Variants in RARS2 observed in about 807,000 individuals in gnomAD.
RARS2 encodes probable arginine--tRNA ligase, mitochondrial.
In RARS2, 67 loss-of-function variants were observed where a neutral mutation model predicts 88.5. The ratio of observed to expected loss-of-function variants is 0.76; its 90% CI spans 0.62 to 0.93. RARS2 has a LOEUF of 0.93. Ranked by LOEUF, RARS2 falls within the 40% of genes least tolerant of loss-of-function variation. The pLI is 0.00. For missense variants in RARS2, 664 were observed against 684.2 expected (o/e 0.97, Z 0.33); for synonymous variants, 239 against 230.3 (o/e 1.04, Z -0.34).
At chr6:87,547,389 A>C (rs750877812) in intron 6 of RARS2, among the ~76,000 whole-genome samples, 15 of 152,218 alleles carry the variant, frequency 9.9e-5, no homozygotes, top group Non-Finnish European at 1.3e-4. Flanking sequence ...CCAATTCTGA[A>C]AAGTATTGAA....
At chr6:87,534,372 C>G (rs907064757) in intron 8 of RARS2, among the ~76,000 whole-genome samples, 5 of 152,148 alleles carry the variant, frequency 3.3e-5, no homozygotes, top group Admixed American at 1.3e-4. Context: ...CCTACTTTTA[C>G]TCTATGTATA....
chr6:87,544,389 T>C (rs530055126), intron 7 of RARS2, among the ~76,000 whole-genome samples: 34 of 152,316 alleles, frequency 2.2e-4, no homozygotes, highest in African/African-American at 8.2e-4. Context: ...GCACTGTAGA[T>C]ATAAAAGTTA....
Position 87,576,277 on chromosome 6 carries a change from T to TC in RARS2, c.37-6688_37-6687insG, listed in dbSNP as rs1359055235. Among the ~76,000 whole-genome samples, 28 of 93,486 alleles carry TC rather than the reference T, an allele frequency of 3.0e-4. 8 individuals carry two copies. The highest frequency in any genetic ancestry group is 9.5e-4 in the African/African-American group (22 of 23,134). The allele number at this position is 93,486 out of a possible 152,430, so 61.3% of individuals were successfully genotyped here. ...CAGGTATAATAAACACAAATTTCTT[T>TC]TTTTTTTTTTTTTTTTTGAGACGGA... On this transcript the variant is annotated intron_variant, in intron 1 of 19. Coordinates refer to ENST00000369536, the MANE Select transcript of RARS2 (RefSeq NM_020320.5).
chr6:87,573,699 A>T (rs1230135849), intron 1 of RARS2, among the ~76,000 whole-genome samples: 1 of 152,160 alleles, frequency 6.6e-6, no homozygotes, highest in Non-Finnish European at 1.5e-5. Flanking sequence ...AAAAAAACAC[A>T]CAAAAAAAAA....
At chr6:87,537,394 G>A (rs961303023) in intron 8 of RARS2, among the ~76,000 whole-genome samples, 5 of 152,216 alleles carry the variant, frequency 3.3e-5, no homozygotes, top group South Asian at 2.1e-4. Context: ...TACCTGTGCC[G>A]GAATCCTGGG....
intron 8 of RARS2, among the ~76,000 whole-genome samples, chr6:87,540,226 G>C (rs1002054258): frequency 6.6e-6 from 1 of 151,724 alleles, no homozygotes; most frequent in South Asian, 2.1e-4. Context: ...GAGGTGGGCT[G>C]ATCATGAGAT....
At chr6:87,564,796 G>C (rs1315527643) in intron 2 of RARS2, 1 of 179,514 alleles carries the variant, frequency 5.6e-6, no homozygotes, top group African/African-American at 2.4e-5. Flanking sequence ...CTTCTGTCTG[G>C]GCACAGATCC....
In RARS2 at chr6:87,543,628, G is replaced by A. The variant is rs547428084; in HGVS notation, c.536-1634C>T. Among the ~76,000 whole-genome samples the A allele has an allele frequency of 4.6e-5, 7 of 151,552 alleles. No homozygotes were observed. The South Asian group carries it at 1.2e-3, about 27-fold the overall frequency. ...TGCACGCCAGCCTGGGTGACAGAGC[G>A]AGACTCCATCTCAGAAAGAAAAAAA... On this transcript the variant is annotated intron_variant, in intron 7 of 19. Transcript: ENST00000369536.
In RARS2 at chr6:87,530,864, C is replaced by T. The variant is rs768185386; in HGVS notation, c.691G>A (p.Glu231Lys). 1.2e-6 allele frequency: 2 copies of T among 1,614,070 alleles called. No individual in the cohort carries two copies. Among genetic ancestry groups the T allele is most frequent in the Non-Finnish European group, 1.7e-6 (2 of 1,180,030 alleles). The change falls in exon 9 of 20, where the codon GAA becomes AAA. Residue 231 changes from glutamate to lysine, a missense_variant. Coordinates refer to ENST00000369536, the MANE Select transcript of RARS2 (RefSeq NM_020320.5). ...KAAQEFFQRL[E>K]LGDVQALSLW... The stretch of plus-strand genomic sequence containing the variant: ...GAAAGTGCTTGCACATCGCCCAGTT[C>T]CAATCGTTGGAAGAACTCCTGTGCT...
chr6:87,581,413 G>A (rs1482380609), intron 1 of RARS2, among the ~76,000 whole-genome samples: 1 of 152,052 alleles, frequency 6.6e-6, no homozygotes, highest in East Asian at 1.9e-4. Context: ...AGGCACTGTA[G>A]GTTTGCCACC....
intron 7 of RARS2, among the ~76,000 whole-genome samples, chr6:87,542,870 C>T (rs1470460528): frequency 7.4e-5 from 11 of 149,196 alleles, no homozygotes; most frequent in South Asian, 2.1e-4. Flanking sequence ...TGTTAAATGA[C>T]GAGTTAATGG....
In RARS2 at chr6:87,519,666, G is replaced by A; in HGVS notation, c.1154C>T (p.Thr385Ile). 3 of 1,613,422 alleles carry A rather than the reference G, an allele frequency of 1.9e-6. No homozygotes were observed. The highest frequency in any genetic ancestry group is 2.5e-6 in the Non-Finnish European group (3 of 1,179,394). ...CAGGAAAGTGACATCTCCTCTTCGA[G>A]TCTTCATTCCCTGTACTACTCCAAA... ...VPFGVVQGMK[T>I]RRGDVTFLED... Residue 385 changes from threonine to isoleucine, a missense_variant, in exon 14 of 20, where the codon ACT becomes ATT. Transcript: ENST00000369536.
rs372432074 is a variant in RARS2 at position 87,516,798 on chromosome 6, T to C, written c.1586+8A>G. On this transcript the variant is annotated splice_region_variant and intron_variant, in intron 18 of 19. Coordinates refer to ENST00000369536, the MANE Select transcript of RARS2 (RefSeq NM_020320.5). ...TTAACACCTGAAAACAGGAAGATTA[T>C]AAAGTACCTTAAAGTTAGAAGGTAA... is the stretch of plus-strand genomic sequence containing the variant. The C allele has an allele frequency of 8.1e-6, 13 of 1,613,042 alleles. No individual in the cohort carries two copies. The highest frequency in any genetic ancestry group is 1.1e-5 in the Non-Finnish European group (13 of 1,179,538).
At position 87,576,422 on chromosome 6, in the gene RARS2, G is replaced by GCTA; in HGVS notation, c.37-6833_37-6832insTAG. On this transcript the variant is annotated intron_variant, in intron 1 of 19. Coordinates refer to ENST00000369536, the MANE Select transcript of RARS2 (RefSeq NM_020320.5). ...CTCCCGAGTAGCTGGGACTACAGGCGCCCGCTACCACGCCCGGCTAATTTT... is the reference window on the plus strand; with the variant it reads ...CTCCCGAGTAGCTGGGACTACAGGCGCTACCCGCTACCACGCCCGGCTAATTTT... Among the ~76,000 whole-genome samples, 2 of 110,284 alleles carry GCTA rather than the reference G, an allele frequency of 1.8e-5. 1 individual carries two copies. The highest frequency in any genetic ancestry group is 6.6e-4 in the South Asian group (2 of 3,018). 72.4% of individuals were successfully genotyped at this position (110,284 alleles called of 152,430 possible).
At chr6:87,584,577 T>G (rs1774556698) in intron 1 of RARS2, 1 of 327,994 alleles carries the variant, frequency 3.0e-6, no homozygotes. Context: ...AAGAGTTAGT[T>G]ACACAAATAG....
rs189305162 is a variant in RARS2, at chr6:87,568,257, G to C, written c.110+1260C>G. On this transcript the variant is annotated intron_variant, in intron 2 of 19. Transcript: ENST00000369536. The stretch of plus-strand genomic sequence containing the variant: ...TCATACTTGTAATCCCAGTACTTTG[G>C]GAGACCAAGGCAAGGGGACTGCCTG... Among the ~76,000 whole-genome samples, 422 of 152,256 alleles carry C rather than the reference G, an allele frequency of 2.8e-3. 4 individuals are homozygous for C. Among genetic ancestry groups the C allele is most frequent in the Non-Finnish European group, 3.8e-3 (258 of 68,026 alleles).
chr6:87,589,280 G>A (rs1776225830), intron 1 of RARS2, among the ~76,000 whole-genome samples: 1 of 152,202 alleles, frequency 6.6e-6, no homozygotes, highest in Non-Finnish European at 1.5e-5. Context: ...GGAAGCAGAG[G>A]AGGGAGGACA....
intron 8 of RARS2, among the ~76,000 whole-genome samples, chr6:87,531,531 C>T (rs911364967): frequency 2.0e-5 from 3 of 152,160 alleles, no homozygotes; most frequent in South Asian, 4.1e-4. Context: ...AATAGGTGAT[C>T]TTGGTAAAAA....
intron 1 of RARS2, among the ~76,000 whole-genome samples, chr6:87,582,367 G>C (rs778322857): frequency 3.9e-5 from 6 of 152,102 alleles, no homozygotes; most frequent in Non-Finnish European, 8.8e-5. Flanking sequence ...GTGATGTTGA[G>C]CTTTTTTTCG....
Sources: gnomAD v4.1 joint callset for allele counts (sites outside exome capture counted in the v4.1 genomes callset) on GRCh38, gnomAD v4.1.1 for gene constraint, MANE v1.5 for transcripts, NCBI Gene and HGNC (gene_info 2026-07-23, HGNC 2026-07-21) for gene names.